Variants in CCDC149 observed in about 807,000 individuals in gnomAD.
CCDC149 encodes the protein coiled-coil domain containing 149.
Under a neutral mutation model 59.9 loss-of-function variants are expected in CCDC149, and 45 were observed. The ratio of observed to expected loss-of-function variants is 0.75; its 90% CI spans 0.59 to 0.96. The LOEUF is 0.96. CCDC149 is among the 40% of genes least tolerant of loss of function. CCDC149 has a pLI of 0.00. For synonymous variants in CCDC149, 245 were observed against 260.6 expected, an observed-to-expected ratio of 0.94 and a Z score of 0.58; for missense variants, 584 against 664.7, an observed-to-expected ratio of 0.88 and a Z score of 1.33.
At chr4:24,930,092 T>C (rs552814421) in intron 1 of CCDC149, among the ~76,000 whole-genome samples, 1 of 152,334 alleles carries the variant, frequency 6.6e-6, no homozygotes, top group East Asian at 1.9e-4. Context: ...ACAAATGACA[T>C]TTACTTGCCT....
intron 1 of CCDC149, among the ~76,000 whole-genome samples, chr4:24,894,675 A>G (rs892561480): frequency 1.1e-4 from 16 of 151,950 alleles, no homozygotes; most frequent in Admixed American, 7.2e-4. Context: ...TGTAAACACC[A>G]GAGCAAAAGT....
intron 1 of CCDC149, among the ~76,000 whole-genome samples, chr4:24,891,526 T>C (rs1720528332): frequency 6.6e-6 from 1 of 152,230 alleles, no homozygotes; most frequent in Admixed American, 6.5e-5. Context: ...ACCACCATCA[T>C]CACCTCTGTC....
intron 9 of CCDC149, chr4:24,828,290 AG>A (rs1715898601): frequency 6.6e-6 from 1 of 151,476 alleles, no homozygotes; most frequent in Non-Finnish European, 1.5e-5. Context: ...AAAAAAAAAA[AG>A]ACAGTATATC....
intron 1 of CCDC149, among the ~76,000 whole-genome samples, chr4:24,911,417 A>T (rs1721860755): frequency 6.6e-6 from 1 of 152,068 alleles, no homozygotes. Flanking sequence ...CAATGTACTG[A>T]CTCCTAACAG....
At chr4:24,861,019 G>A (rs1405000972) in intron 3 of CCDC149, among the ~76,000 whole-genome samples, 3 of 152,142 alleles carry the variant, frequency 2.0e-5, no homozygotes, top group Non-Finnish European at 2.9e-5. Context: ...TGGTGGGAAT[G>A]TAAACTATTA....
intron 4 of CCDC149, among the ~76,000 whole-genome samples, chr4:24,846,835 G>A (rs938763255): frequency 1.3e-5 from 2 of 152,174 alleles, no homozygotes; most frequent in African/African-American, 2.4e-5. Flanking sequence ...TTTGCCTACC[G>A]CAAACTTCCT....
chr4:24,924,638 C>A (rs1209269845), intron 1 of CCDC149, among the ~76,000 whole-genome samples: 1 of 152,200 alleles, frequency 6.6e-6, no homozygotes, highest in East Asian at 1.9e-4. Flanking sequence ...CATAGCACAG[C>A]TGCTTCAGGG....
intron 1 of CCDC149, among the ~76,000 whole-genome samples, chr4:24,961,300 T>G (rs751043338): frequency 6.6e-6 from 1 of 152,148 alleles, no homozygotes; most frequent in Non-Finnish European, 1.5e-5. Flanking sequence ...AAATGGACAC[T>G]GACAAAAAAA....
intron 9 of CCDC149, chr4:24,830,645 C>T (rs1716084562): frequency 6.6e-6 from 1 of 152,272 alleles, no homozygotes; most frequent in African/African-American, 2.4e-5. Context: ...CTTTCCAGGC[C>T]CCGCTCAGTT....
intron 12 of CCDC149, among the ~76,000 whole-genome samples, chr4:24,812,817 T>C (rs1247358771): frequency 1.3e-5 from 2 of 152,154 alleles, no homozygotes; most frequent in African/African-American, 4.8e-5. Flanking sequence ...GAACTCTCAT[T>C]TATGAAACCA....
chr4:24,874,331 A>G (rs1270267625), intron 2 of CCDC149, among the ~76,000 whole-genome samples: 1 of 137,094 alleles, frequency 7.3e-6, no homozygotes, highest in Middle Eastern at 4.3e-3. Flanking sequence ...CTGTAATCTC[A>G]GCACTTTGGG....
intron 1 of CCDC149, among the ~76,000 whole-genome samples, chr4:24,956,573 T>C (rs1426948407): frequency 1.3e-5 from 2 of 152,144 alleles, no homozygotes; most frequent in Non-Finnish European, 2.9e-5. Flanking sequence ...GATGATATCA[T>C]AGCAATTGGG....
intron 3 of CCDC149, among the ~76,000 whole-genome samples, chr4:24,856,974 T>G (rs1718050584): frequency 6.6e-6 from 1 of 152,198 alleles, no homozygotes; most frequent in Non-Finnish European, 1.5e-5. Context: ...CACATTCAGG[T>G]GAATCTCAGC....
rs1260702153 is a variant in CCDC149 at position 24,826,122 on chromosome 4, A to AT, written c.966-3550dup. On this transcript the variant is annotated intron_variant, in intron 9 of 12. Coordinates refer to ENST00000635206, the MANE Select transcript of CCDC149 (RefSeq NM_001330643.2). ...AGGTGTCTGCTGCCACGCCTGGCTA[A>AT]TTTTTTTTTTTGTATTTTAGTAGAG... Among the ~76,000 whole-genome samples, 955 of 146,180 alleles carry AT rather than the reference A, an allele frequency of 6.5e-3. 8 individuals carry two copies. The highest frequency in any genetic ancestry group is 0.021 in the African/African-American group (853 of 40,100).
rs1227568001 is a variant in CCDC149, at chr4:24,975,090, A to G, written c.-65+4979T>C. ...TTGCACTAGCTTGCTCTCTTGCCTT[A>G]TGCCATGTGAGGTTGCAGCAAGACG... On this transcript the variant is annotated intron_variant, in intron 1 of 12. Transcript: ENST00000389609. Among the ~76,000 whole-genome samples, 3 of 152,222 alleles carry G rather than the reference A, an allele frequency of 2.0e-5. No homozygotes were observed. In the South Asian group the frequency reaches 6.2e-4, roughly 32 times the overall value.
chr4:24,950,057 G>A (rs73804905), intron 1 of CCDC149, among the ~76,000 whole-genome samples: 10,565 of 152,276 alleles, frequency 0.069, 584 homozygotes, highest in African/African-American at 0.13. Context: ...AGCCATCTCT[G>A]CAGGGGTCAC....
intron 1 of CCDC149, 44 bp downstream of exon 1, chr4:24,912,773 C>T (rs1202989563): frequency 1.7e-5 from 21 of 1,200,822 alleles, no homozygotes; most frequent in Non-Finnish European, 2.1e-5. Context: ...GGCTGGCGGC[C>T]GCTCGGCCCG....
chr4:24,929,119 G>C (rs905633840), intron 1 of CCDC149, among the ~76,000 whole-genome samples: 5 of 152,146 alleles, frequency 3.3e-5, no homozygotes, highest in Admixed American at 3.3e-4. Flanking sequence ...GCCATCCCAT[G>C]GTCTGGTGAA....
At chr4:24,909,918 ATC>A (rs1444984574) in intron 1 of CCDC149, among the ~76,000 whole-genome samples, 1 of 152,086 alleles carries the variant, frequency 6.6e-6, no homozygotes, top group Non-Finnish European at 1.5e-5. Context: ...GGCCCATGAA[ATC>A]TCTCTTTCTT....
Sources: gnomAD v4.1 joint callset for allele counts (sites outside exome capture counted in the v4.1 genomes callset) on GRCh38, gnomAD v4.1.1 for gene constraint, MANE v1.5 for transcripts, NCBI Gene and HGNC (gene_info 2026-07-23, HGNC 2026-07-21) for gene names.